The following INIP variants were observed in gnomAD, a reference collection of about 807,000 sequenced individuals.
INIP encodes SOSS complex subunit C.
In INIP, 9 loss-of-function variants were observed where a neutral mutation model predicts 14.0. The ratio of observed to expected loss-of-function variants is 0.64; its 90% CI spans 0.39 to 1.12. The LOEUF is 1.12. Among genes scored for constraint, INIP ranks in the 50% most tolerant of loss-of-function variants. INIP has a pLI of 0.01. For synonymous variants in INIP, 37 were observed against 41.5 expected, an observed-to-expected ratio of 0.89 and a Z score of 0.41; for missense variants, 78 against 122.7, an observed-to-expected ratio of 0.64 and a Z score of 1.72.
intron 3 of INIP, among the ~76,000 whole-genome samples, chr9:112,691,060 G>A (rs1180365647): frequency 6.6e-6 from 1 of 152,128 alleles, no homozygotes; most frequent in African/African-American, 2.4e-5. Context: ...GTTACTTCCC[G>A]ATTAAAGCTT....
At chr9:112,701,707 T>G (rs543047175) in intron 2 of INIP, 6 of 152,220 alleles carry the variant, frequency 3.9e-5, no homozygotes, top group African/African-American at 1.4e-4. Flanking sequence ...GGCTACTACA[T>G]TTTTAGAAGA....
intron 3 of INIP, among the ~76,000 whole-genome samples, chr9:112,690,502 GA>G (rs1837846150): frequency 6.6e-6 from 1 of 152,200 alleles, no homozygotes; most frequent in Non-Finnish European, 1.5e-5. Flanking sequence ...CTGTAGTTCA[GA>G]AAGACCACTA....
chr9:112,689,284 A>G (rs1285929676), intron 4 of INIP, among the ~76,000 whole-genome samples: 1 of 152,208 alleles, frequency 6.6e-6, no homozygotes, highest in Admixed American at 6.5e-5. Flanking sequence ...TGCACAAGCA[A>G]TCCCTTGGCA....
chr9:112,712,475 A>G (rs748423279), intron 2 of INIP, among the ~76,000 whole-genome samples: 6 of 151,892 alleles, frequency 4.0e-5, no homozygotes, highest in Admixed American at 6.5e-5. Flanking sequence ...CGTGATGCAT[A>G]TGCACCAAAA....
At chr9:112,694,050 G>A (rs1288931040) in intron 3 of INIP, 81 bp downstream of exon 3, 1 of 890,200 alleles carries the variant, frequency 1.1e-6, no homozygotes, top group Admixed American at 2.5e-5. Context: ...ACTCCAGCCT[G>A]GGGGACAGGG....
chr9:112,694,022 C>T (rs1287480760), intron 3 of INIP, 109 bp downstream of exon 3: 2 of 618,020 alleles, frequency 3.2e-6, no homozygotes, highest in Non-Finnish European at 5.4e-6. Context: ...CTGCAGTGAG[C>T]CGAGATTGCA....
chr9:112,695,843 G>A (rs1003398479), intron 2 of INIP, among the ~76,000 whole-genome samples: 2 of 114,980 alleles, frequency 1.7e-5, no homozygotes, highest in South Asian at 4.9e-4. Context: ...AGAAGAAGGA[G>A]AAGAAGAAGG....
chr9:112,707,496 TC>T (rs1838516112), intron 2 of INIP, among the ~76,000 whole-genome samples: 1 of 151,346 alleles, frequency 6.6e-6, no homozygotes, highest in Non-Finnish European at 1.5e-5. Flanking sequence ...TTCTTTTTTT[TC>T]CTCCCGCACA....
At chr9:112,708,330 C>T (rs1838546540) in intron 2 of INIP, among the ~76,000 whole-genome samples, 2 of 152,198 alleles carry the variant, frequency 1.3e-5, no homozygotes, top group Admixed American at 6.5e-5. Flanking sequence ...AAAAAGATCA[C>T]TCTAACTGCA....
intron 2 of INIP, among the ~76,000 whole-genome samples, chr9:112,700,553 T>TATATTATATAATATATAATATAAAGA (rs1838259451): frequency 6.8e-6 from 1 of 146,406 alleles, no homozygotes; most frequent in African/African-American, 2.5e-5. Flanking sequence ...TATACCTAAT[T>TATATTATATAATATATAATATAAAGA]ATATTATATA....
At chr9:112,689,697 CT>C (rs1186179515) in intron 3 of INIP, 80 bp from the exon 4 acceptor site, 29 of 1,059,840 alleles carry the variant, frequency 2.7e-5, no homozygotes, top group Non-Finnish European at 3.5e-5. Context: ...AAATTATCTT[CT>C]TTTTTTTAAA....
chr9:112,694,549 A>T (rs1838009236), intron 2 of INIP, among the ~76,000 whole-genome samples: 1 of 152,184 alleles, frequency 6.6e-6, no homozygotes, highest in African/African-American at 2.4e-5. Context: ...AAGTTACAGC[A>T]TTTGTTTTTT....
chr9:112,701,886 C>CA (rs749264572), intron 2 of INIP: 114 of 113,806 alleles, frequency 1.0e-3, no homozygotes, highest in South Asian at 4.0e-3. Context: ...CTTGTCTGTA[C>CA]AAAAAAAAAA....
rs1837654675 is a variant in INIP at position 112,686,072 on chromosome 9, TG to T, written c.*1465del. The T allele has an allele frequency of 6.6e-6, 1 of 152,098 alleles. No homozygotes were observed. Among genetic ancestry groups the T allele is most frequent in the Non-Finnish European group, 1.5e-5 (1 of 68,024 alleles). 9.4% of individuals were successfully genotyped at this position (152,098 alleles called of 1,614,324 possible). Reference sequence around the variant, plus strand: ...ACTTTCACTAAATATTGACCCAAACTGGAATTTTCAGTTTTACGCTACCACC... The same window carrying T: ...ACTTTCACTAAATATTGACCCAAACTGAATTTTCAGTTTTACGCTACCACC... On this transcript the variant is annotated 3_prime_UTR_variant, in exon 5 of 5. Transcript: ENST00000374242.
chr9:112,713,549 C>T (rs1163537968), intron 2 of INIP, among the ~76,000 whole-genome samples: 1 of 151,956 alleles, frequency 6.6e-6, no homozygotes, highest in Non-Finnish European at 1.5e-5. Context: ...AAACATTAGC[C>T]AGGCATGGTG....
At chr9:112,717,781 G>C (rs1210970757) in intron 1 of INIP, among the ~76,000 whole-genome samples, 2 of 152,178 alleles carry the variant, frequency 1.3e-5, no homozygotes, top group Non-Finnish European at 2.9e-5. Context: ...GTAGACTGGC[G>C]TGCCAGAAAG....
intron 3 of INIP, among the ~76,000 whole-genome samples, chr9:112,693,142 G>A (rs1212616856): frequency 6.6e-6 from 1 of 152,062 alleles, no homozygotes; most frequent in Non-Finnish European, 1.5e-5. Context: ...GTCTGACTAG[G>A]AAATGAAGGG....
intron 2 of INIP, among the ~76,000 whole-genome samples, chr9:112,696,039 C>G (rs949991049): frequency 3.3e-5 from 5 of 151,552 alleles, no homozygotes; most frequent in Admixed American, 6.6e-5. Context: ...AGGTGTGAGC[C>G]AGCATGCCCT....
At position 112,705,397 on chromosome 9, in the gene INIP, C is replaced by T. The variant is rs554707366; in HGVS notation, c.25+11064G>A. Among the ~76,000 whole-genome samples the T allele has an allele frequency of 8.3e-4, 127 of 152,234 alleles. 1 individual carries two copies. Among genetic ancestry groups the T allele is most frequent in the African/African-American group, 2.9e-3 (122 of 41,544 alleles). On this transcript the variant is annotated intron_variant, in intron 2 of 4. Transcript: ENST00000374242. The stretch of plus-strand genomic sequence containing the variant: ...TAATCAAGGCTCACTGTAGCCTTGA[C>T]ATCCCCGGCTCAAGGCATCCTCCTG...
Sources: allele counts gnomAD v4.1 joint callset (sites outside exome capture counted in the v4.1 genomes callset), GRCh38; gene constraint gnomAD v4.1.1; transcripts MANE v1.5; gene names NCBI Gene and HGNC (gene_info 2026-07-23, HGNC 2026-07-21).